The following IRAG2 variants were observed in gnomAD, a reference collection of about 807,000 sequenced individuals.
IRAG2 encodes lymphoid restricted membrane protein.
Under a neutral mutation model 69.9 loss-of-function variants are expected in IRAG2, and 45 were observed. That is an observed-to-expected ratio of 0.64 (90% CI 0.51 to 0.83). The LOEUF is 0.83. Among genes scored for constraint, IRAG2 ranks in the 40% least tolerant of loss-of-function variants. The probability of loss-of-function intolerance (pLI) is 0.00; values close to 1 mark genes in which losing one functional copy is unlikely to be tolerated. For missense variants in IRAG2, 520 were observed against 587.0 expected (o/e 0.89, Z 1.18); for synonymous variants, 193 against 202.4 (o/e 0.95, Z 0.40).
intron 6 of IRAG2, among the ~76,000 whole-genome samples, chr12:25,074,419 T>C (rs1226769434): frequency 6.6e-6 from 1 of 152,174 alleles, no homozygotes; most frequent in Non-Finnish European, 1.5e-5. Context: ...CCTCACCGAC[T>C]AGTGGCTTCC....
intron 16 of IRAG2, among the ~76,000 whole-genome samples, chr12:25,041,864 G>C (rs1188846391): frequency 1.1e-5 from 1 of 93,384 alleles, no homozygotes; most frequent in African/African-American, 3.1e-5. Flanking sequence ...CAACTTACTG[G>C]TTTGTGACCC....
At chr12:25,069,262 G>A (rs1946174467) in intron 5 of IRAG2, 88 bp from the exon 6 acceptor site, 1 of 620,980 alleles carries the variant, frequency 1.6e-6, no homozygotes, top group South Asian at 2.1e-5. Flanking sequence ...ACTGGGCGTA[G>A]GGGAGTGAGA....
chr12:25,024,324 T>G (rs1944606511), intron 8 of IRAG2, among the ~76,000 whole-genome samples: 1 of 152,354 alleles, frequency 6.6e-6, no homozygotes, highest in South Asian at 2.1e-4. Flanking sequence ...AAACCATTTA[T>G]CTTTTCTGGG....
chr12:25,108,114 T>C lies in IRAG2; in HGVS notation c.*54T>C, dbSNP rs1367985694. ...GATTTTTAAGTTTCAGTATCTGAAC[T>C]TCGTAAATTAGTAACTTTTAGCTGG... is the stretch of plus-strand genomic sequence containing the variant. On this transcript the variant is annotated 3_prime_UTR_variant, in exon 22 of 22. Coordinates refer to ENST00000556887, the MANE Select transcript of IRAG2 (RefSeq NM_001366544.2). 1 of 1,577,894 alleles carries C rather than the reference T, an allele frequency of 6.3e-7. No individual in the cohort carries two copies. The highest frequency in any genetic ancestry group is 1.4e-5 in the African/African-American group (1 of 73,976).
At chr12:25,009,727 G>C in intron 2 of IRAG2, among the ~76,000 whole-genome samples, 1 of 152,108 alleles carries the variant, frequency 6.6e-6, no homozygotes, top group East Asian at 1.9e-4. Context: ...CAGGAGAGCT[G>C]CTGGTGCAGT....
chr12:25,040,703 A>G (rs988339065), intron 16 of IRAG2, among the ~76,000 whole-genome samples: 1 of 152,110 alleles, frequency 6.6e-6, no homozygotes, highest in African/African-American at 2.4e-5. Flanking sequence ...GAAGAATGGA[A>G]ATAATTGAGT....
intron 14 of IRAG2, 76 bp downstream of exon 14, chr12:25,090,273 T>C (rs1034537425): frequency 4.3e-6 from 6 of 1,400,722 alleles, no homozygotes; most frequent in Non-Finnish European, 4.9e-6. Flanking sequence ...ATCCCTGCAC[T>C]TTGGGAGGCC....
chr12:25,093,476 A>G (rs1948209011), intron 14 of IRAG2: 1 of 152,730 alleles, frequency 6.5e-6, no homozygotes. Context: ...TTCTTCTCAC[A>G]TCACTTTCTT....
upstream of IRAG2, among the ~76,000 whole-genome samples, chr12:25,000,761 C>T (rs933940942): frequency 6.6e-6 from 1 of 152,198 alleles, no homozygotes; most frequent in Non-Finnish European, 1.5e-5. Context: ...CAACTAAGAT[C>T]GCTAAGAGGG....
intron 16 of IRAG2, among the ~76,000 whole-genome samples, chr12:25,046,877 T>C (rs1254896828): frequency 6.6e-6 from 1 of 152,128 alleles, no homozygotes; most frequent in Admixed American, 6.6e-5. Context: ...GAAAACAATC[T>C]TGAGAAGAAA....
intron 9 of IRAG2, among the ~76,000 whole-genome samples, chr12:25,029,700 G>T (rs1248648548): frequency 6.6e-6 from 1 of 151,556 alleles, no homozygotes; most frequent in Non-Finnish European, 1.5e-5. Flanking sequence ...TAGTTTTAGA[G>T]ATGAGAGTCT....
intron 14 of IRAG2, among the ~76,000 whole-genome samples, chr12:25,094,288 C>A (rs1948275045): frequency 6.6e-6 from 1 of 152,026 alleles, no homozygotes; most frequent in Non-Finnish European, 1.5e-5. Context: ...GGTCCAATTT[C>A]ATTCTTTTGC....
At chr12:25,001,043 C>T (rs1591919071), upstream of IRAG2, among the ~76,000 whole-genome samples, 1 of 152,152 alleles carries the variant, frequency 6.6e-6, no homozygotes, top group East Asian at 1.9e-4. Flanking sequence ...ATCTTTATCA[C>T]CCCATCTTAT....
intron 14 of IRAG2, 60 bp downstream of exon 14, chr12:25,090,257 C>G: frequency 6.6e-7 from 1 of 1,507,642 alleles, no homozygotes; most frequent in South Asian, 1.2e-5. Flanking sequence ...GTGGCTCACA[C>G]CTATAATCCC....
chr12:25,014,813 A>T (rs1259709062), intron 3 of IRAG2, among the ~76,000 whole-genome samples: 2 of 146,368 alleles, frequency 1.4e-5, no homozygotes, highest in African/African-American at 2.5e-5. Context: ...TACCAGTCCA[A>T]CCTATGTCTA....
At chr12:25,062,646 C>T (rs2139977982) in intron 2 of IRAG2, among the ~76,000 whole-genome samples, 174 bp from the exon 3 acceptor site, 1 of 152,290 alleles carries the variant, frequency 6.6e-6, no homozygotes, top group Non-Finnish European at 1.5e-5. Flanking sequence ...GGGGCAAATA[C>T]AATGGGAGGT....
At chr12:25,049,704 C>T (rs147704918), upstream of IRAG2, among the ~76,000 whole-genome samples, 148 of 152,082 alleles carry the variant, frequency 9.7e-4, no homozygotes, top group Non-Finnish European at 1.5e-3. Context: ...TTTTAAAAGA[C>T]GGCCGGATGC....
At chr12:25,096,198 G>A (rs1383365635) in intron 14 of IRAG2, among the ~76,000 whole-genome samples, 1 of 152,094 alleles carries the variant, frequency 6.6e-6, no homozygotes, top group African/African-American at 2.4e-5. Context: ...ATTTACAGTC[G>A]GTGGTGCCTA....
intron 16 of IRAG2, among the ~76,000 whole-genome samples, chr12:25,038,368 C>T (rs958939844): frequency 5.9e-5 from 9 of 151,730 alleles, no homozygotes; most frequent in African/African-American, 1.2e-4. Context: ...ACCAGCCAAG[C>T]GCGGTGGCTC....
Sources: allele counts gnomAD v4.1 joint callset (sites outside exome capture counted in the v4.1 genomes callset), GRCh38; gene constraint gnomAD v4.1.1; transcripts MANE v1.5; gene names NCBI Gene and HGNC (gene_info 2026-07-23, HGNC 2026-07-21).